Variants in TRAPPC14 observed in about 807,000 individuals in gnomAD.
The protein encoded by TRAPPC14 is trafficking protein particle complex subunit 14, also known as microtubule associated protein 11.
TRAPPC14 carries 24 observed loss-of-function variants against 56.6 expected under a neutral mutation model. The ratio of observed to expected loss-of-function variants is 0.42; its 90% CI spans 0.31 to 0.60. The LOEUF is 0.60. Ranked by LOEUF, TRAPPC14 falls within the 20% of genes least tolerant of loss-of-function variation. The pLI, the probability that TRAPPC14 is intolerant of heterozygous loss-of-function variation, is 0.14. For missense variants in TRAPPC14, 615 were observed against 790.3 expected (o/e 0.78, Z 2.66); for synonymous variants, 377 against 347.0 (o/e 1.09, Z -0.96).
intron 5 of TRAPPC14, 28 bp downstream of exon 5, chr7:100,157,066 C>T: frequency 6.2e-7 from 1 of 1,614,008 alleles, no homozygotes; most frequent in Non-Finnish European, 8.5e-7. Context: ...CCCACCACTT[C>T]ACAGCCTCGC....
At chr7:100,157,535 T>C (rs1391383092) in intron 3 of TRAPPC14, 76 bp from the exon 4 acceptor site, 2 of 1,606,896 alleles carry the variant, frequency 1.2e-6, no homozygotes, top group African/African-American at 1.3e-5. Context: ...CTCACCTTCC[T>C]CTTCTCAGAG....
chr7:100,155,210 T>C, intron 10 of TRAPPC14, 46 bp from the exon 11 acceptor site: 1 of 1,605,266 alleles, frequency 6.2e-7, no homozygotes, highest in East Asian at 2.2e-5. Flanking sequence ...CCCGGCACCC[T>C]CGCTGCTCCC....
At position 100,157,383 on chromosome 7, in the gene TRAPPC14, G is replaced by T; in HGVS notation, c.714C>A (p.Thr238=). The T allele has an allele frequency of 6.2e-7, 1 of 1,614,072 alleles. No individual in the cohort carries two copies. The highest frequency in any genetic ancestry group is 8.5e-7 in the Non-Finnish European group (1 of 1,180,000). The change falls in exon 4 of 11, where the codon ACC becomes ACA. Residue 238 remains threonine, a synonymous_variant. Transcript: ENST00000316937. ...RQFTVAGKHL[T]VLKVLNSSSQ... ...GGCAGCCCTGCTTACCCTTGAGCACGGTCAAGTGTTTTCCAGCCACAGTGA... is the reference window on the plus strand; with the variant it reads ...GGCAGCCCTGCTTACCCTTGAGCACTGTCAAGTGTTTTCCAGCCACAGTGA...
In TRAPPC14 at chr7:100,158,392, G is replaced by T; in HGVS notation, c.108C>A (p.Asn36Lys). Residue 36 changes from asparagine (N) to lysine (K), a missense_variant, in exon 1 of 11, where the codon AAC (asparagine) becomes AAA (lysine). By Grantham distance (94) the Asn-to-Lys change is moderately conservative. Transcript: ENST00000316937. The part of the protein sequence containing the change: ...PGRYRALPRR[N>K]HLYLGETVRF... ...GGACAGTCTCCCCCAAGTACAGATGGTTGCGCCGGGGCAGCGCCCGGTACC... is the reference window on the plus strand; with the variant it reads ...GGACAGTCTCCCCCAAGTACAGATGTTTGCGCCGGGGCAGCGCCCGGTACC... 6.8e-7 allele frequency: 1 copy of T among 1,469,040 alleles called. No homozygotes were observed. Among genetic ancestry groups the T allele is most frequent in the African/African-American group, 1.5e-5 (1 of 68,024 alleles). The allele number at this position is 1,469,040 out of a possible 1,614,324, so 91.0% of individuals were successfully genotyped here.
In TRAPPC14 at chr7:100,158,129, G is replaced by A; in HGVS notation, c.371C>T (p.Thr124Ile). Residue 124 changes from threonine (T) to isoleucine (I), a missense_variant, in exon 1 of 11, where the codon ACC becomes ATC. Physicochemically the swap from Thr to Ile is moderately conservative, Grantham distance 89. Transcript: ENST00000316937. ...GLFRGCSPLL[T>I]HGPGPATSGG... Reference sequence around the variant, plus strand: ...TGAGGTAGCAGGGCCCGGGCCGTGGGTGAGAAGGGGGCTGCAGCCTCGGAA... The same window carrying A: ...TGAGGTAGCAGGGCCCGGGCCGTGGATGAGAAGGGGGCTGCAGCCTCGGAA... 4.0e-6 allele frequency: 6 copies of A among 1,495,906 alleles called. No individual in the cohort carries two copies. The highest frequency in any genetic ancestry group is 3.8e-5 in the South Asian group (3 of 78,168). 92.7% of individuals were successfully genotyped at this position (1,495,906 alleles called of 1,614,324 possible). A position where few individuals can be genotyped will look rare whatever the true frequency, so the allele number is the denominator to read the frequency against.
In TRAPPC14 at chr7:100,156,544, G is replaced by T. The variant is rs748650819; in HGVS notation, c.1082C>A (p.Pro361His). The change falls in exon 8 of 11, where the codon CCC (proline) becomes CAC (histidine). Residue 361 changes from proline (P) to histidine (H), a missense_variant. Pro to His is a moderately conservative substitution (Grantham distance 77, BLOSUM62 -2). Transcript: ENST00000316937. ...ACACGGGCGGTCCAAGCGGACACTG[G>T]GCAGGCTAGGAGTGGTGAGAGAGGG... ...TQSIYTHYRLPSVRLDRPCFV... is the reference protein window; with the variant it reads ...TQSIYTHYRLHSVRLDRPCFV... The T allele has an allele frequency of 6.2e-7, 1 of 1,614,110 alleles. No homozygotes were observed. Among genetic ancestry groups the T allele is most frequent in the South Asian group, 1.1e-5 (1 of 91,080 alleles).
In TRAPPC14 at chr7:100,155,415, C is replaced by A. The variant is rs1327275772; in HGVS notation, c.1436G>T (p.Ser479Ile). The A allele has an allele frequency of 1.9e-6, 3 of 1,538,574 alleles. No individual in the cohort carries two copies. Among genetic ancestry groups the A allele is most frequent in the Non-Finnish European group, 8.8e-7 (1 of 1,140,394 alleles). The change falls in exon 10 of 11, where the codon AGC becomes ATC. Residue 479 changes from serine to isoleucine, a missense_variant. Ser to Ile is a moderately radical substitution (Grantham distance 142). Coordinates refer to ENST00000316937, the MANE Select transcript of TRAPPC14 (RefSeq NM_018275.5). ...HMKLKLQFTASVSHPPPEARP... is the reference protein window; with the variant it reads ...HMKLKLQFTAIVSHPPPEARP... ...GGCCTCGGGTGGAGGGTGGGACACG[C>A]TGGCGGTGAACTGCAGCTTCAGTTT... is the stretch of plus-strand genomic sequence containing the variant.
Position 100,154,604 on chromosome 7 carries a change from G to A in TRAPPC14, c.*407C>T. 1 of 244,290 alleles carries A rather than the reference G, an allele frequency of 4.1e-6. No individual in the cohort carries two copies. The highest frequency in any genetic ancestry group is 4.9e-5 in the South Asian group (1 of 20,592). 15.1% of individuals were successfully genotyped at this position (244,290 alleles called of 1,614,324 possible). A position where few individuals can be genotyped will look rare whatever the true frequency, so the allele number is the denominator to read the frequency against. Reference sequence around the variant, plus strand: ...CTGAGACAGGAAGGTCACTGTCAGGGGCCCTTAGCCATCACCACCCTCTAA... The same window carrying A: ...CTGAGACAGGAAGGTCACTGTCAGGAGCCCTTAGCCATCACCACCCTCTAA... On this transcript the variant is annotated 3_prime_UTR_variant, in exon 11 of 11. Transcript: ENST00000316937.
intron 4 of TRAPPC14, 23 bp from the exon 5 acceptor site, chr7:100,157,237 C>T (rs1007871544): frequency 1.2e-6 from 2 of 1,614,046 alleles, no homozygotes; most frequent in Non-Finnish European, 1.7e-6. Flanking sequence ...ACCAGCTTGG[C>T]TCAGAATAGC....
Position 100,154,856 on chromosome 7 carries a change from C to A in TRAPPC14, c.*155G>T, listed in dbSNP as rs1798839577. On this transcript the variant is annotated 3_prime_UTR_variant, in exon 11 of 11. Transcript: ENST00000316937. ...CCCGCCCACTTCACAGCTTCTTCCC[C>A]CATCCCTCATCAGCAGACACAAGAC... 4.2e-6 allele frequency: 3 copies of A among 706,822 alleles called. No individual in the cohort carries two copies. The East Asian group carries it at 7.9e-5, about 19-fold the overall frequency. The allele number at this position is 706,822 out of a possible 1,614,324, so 43.8% of individuals were successfully genotyped here. A position where few individuals can be genotyped will look rare whatever the true frequency, so the allele number is the denominator to read the frequency against.
In TRAPPC14 at chr7:100,157,134, C is replaced by T. The variant is rs1584619475; in HGVS notation, c.805G>A (p.Val269Ile). 2 of 1,614,200 alleles carry T rather than the reference C, an allele frequency of 1.2e-6. No homozygotes were observed. The highest frequency in any genetic ancestry group is 4.5e-5 in the East Asian group (2 of 44,886). The change falls in exon 5 of 11, where the codon GTC becomes ATC. Residue 269 changes from valine to isoleucine, a missense_variant. Val to Ile is a conservative substitution (Grantham distance 29). Coordinates refer to ENST00000316937, the MANE Select transcript of TRAPPC14 (RefSeq NM_018275.5). ...LPNFNASYLPVMPDGSVLLVD... is the reference protein window; with the variant it reads ...LPNFNASYLPIMPDGSVLLVD... The stretch of plus-strand genomic sequence containing the variant: ...AGCAGCACAGAGCCATCGGGCATGA[C>T]AGGTAGATAACTGGCGTTGAAGTTG...
intron 9 of TRAPPC14, 51 bp from the exon 10 acceptor site, chr7:100,155,506 C>G (rs1798859614): frequency 6.6e-7 from 1 of 1,516,332 alleles, no homozygotes; most frequent in Non-Finnish European, 8.8e-7. Flanking sequence ...GGACCCAGGC[C>G]TCCTTCCAAA....
intron 9 of TRAPPC14, 69 bp downstream of exon 9, chr7:100,155,602 G>A: frequency 1.3e-6 from 2 of 1,519,644 alleles, no homozygotes; most frequent in Non-Finnish European, 1.8e-6. Context: ...CAAAATCTAA[G>A]GGTCCTGCCT....
rs1488977609 is a variant in TRAPPC14, at chr7:100,158,224, C to G, written c.276G>C (p.Pro92=). Residue 92 remains proline, a synonymous_variant, in exon 1 of 11, where the codon CCG becomes CCC. Coordinates refer to ENST00000316937, the MANE Select transcript of TRAPPC14 (RefSeq NM_018275.5). ...CCTGGTCGCCGGCGCCGCCGCCCCC[C>G]GGCATCCCGCCTCCGGCGCTGACCG... is the stretch of plus-strand genomic sequence containing the variant. ...LASVSAGGGM[P]GGGGAGDQDS... The G allele has an allele frequency of 1.4e-6, 2 of 1,471,394 alleles. No homozygotes were observed. Among genetic ancestry groups the G allele is most frequent in the Non-Finnish European group, 1.8e-6 (2 of 1,118,734 alleles). 91.1% of individuals were successfully genotyped at this position (1,471,394 alleles called of 1,614,324 possible). A position where few individuals can be genotyped will look rare whatever the true frequency, so the allele number is the denominator to read the frequency against.
rs902730802 is a variant in TRAPPC14, at chr7:100,158,685, C to A, written c.-186G>T. On this transcript the variant is annotated 5_prime_UTR_variant, in exon 1 of 11. Transcript: ENST00000316937. ...AACCGAGACCCGGCAGCGCCGGAAC[C>A]GGGGTACTGAGCCGAATGACTGGAG... 4.1e-6 allele frequency: 2 copies of A among 488,446 alleles called. No individual in the cohort carries two copies. The highest frequency in any genetic ancestry group is 4.4e-5 in the Admixed American group (1 of 22,596). 30.3% of individuals were successfully genotyped at this position (488,446 alleles called of 1,614,324 possible).
Position 100,158,348 on chromosome 7 carries a change from C to A in TRAPPC14, c.152G>T (p.Arg51Leu). The change falls in exon 1 of 11, where the codon CGC (arginine) becomes CTC (leucine). Residue 51 changes from arginine (R) to leucine (L), a missense_variant. Arg to Leu is a moderately radical substitution (Grantham distance 102). Transcript: ENST00000316937. ...GCCGGACCCCGCACCGCCCCGGCAG[C>A]GCAACACCAGCAGAAAACGGACAGT... is the stretch of plus-strand genomic sequence containing the variant. ...GETVRFLLVL[R>L]CRGGAGSGTG... 1 of 1,482,004 alleles carries A rather than the reference C, an allele frequency of 6.7e-7. No individual in the cohort carries two copies. The allele number at this position is 1,482,004 out of a possible 1,614,324, so 91.8% of individuals were successfully genotyped here.
intron 5 of TRAPPC14, 34 bp from the exon 6 acceptor site, chr7:100,157,026 C>T (rs184099612): frequency 1.2e-6 from 2 of 1,614,000 alleles, no homozygotes; most frequent in African/African-American, 1.3e-5. Context: ...CATGGTCTCC[C>T]CATGCCAGAG....
At chr7:100,155,905 A>C (rs1350768381) in intron 8 of TRAPPC14, 80 bp from the exon 9 acceptor site, 1 of 1,564,922 alleles carries the variant, frequency 6.4e-7, no homozygotes, top group South Asian at 1.1e-5. Context: ...GTCTCATCTG[A>C]TTCTCAAAGC....
At position 100,156,876 on chromosome 7, in the gene TRAPPC14, C is replaced by A; in HGVS notation, c.962G>T (p.Gly321Val). Reference protein sequence around the residue: ...EEHNFLFQLRGGEQPPPGAKE... With the variant: ...EEHNFLFQLRVGEQPPPGAKE... ...GGCCCCTGGAGGGGGCTGCTCACCC[C>A]CTCTCAGCTGAAACAGGAAGTTGTG... Residue 321 changes from glycine to valine, a missense_variant, in exon 6 of 11, where the codon GGG becomes GTG. Transcript: ENST00000316937. The A allele has an allele frequency of 1.2e-6, 2 of 1,614,106 alleles. No homozygotes were observed. The highest frequency in any genetic ancestry group is 1.3e-5 in the African/African-American group (1 of 75,042).
Sources: allele counts gnomAD v4.1 joint callset, GRCh38; gene constraint gnomAD v4.1.1; transcripts MANE v1.5; gene names NCBI Gene and HGNC (gene_info 2026-07-23, HGNC 2026-07-21).